MPRIP: variants seen among roughly 807,000 people sequenced by gnomAD.
MPRIP encodes the protein myosin phosphatase Rho interacting protein.
In MPRIP, 59 loss-of-function variants were observed where a neutral mutation model predicts 234.9. The observed-to-expected ratio is 0.25, with a 90% confidence interval of 0.20 to 0.31. The LOEUF is 0.31. Among genes scored for constraint, MPRIP ranks in the 10% least tolerant of loss-of-function variants. MPRIP has a pLI of 1.00. For missense variants in MPRIP, 2,436 were observed against 3,071.0 expected (o/e 0.79, Z 4.89); for synonymous variants, 1,144 against 1,263.9 (o/e 0.91, Z 2.01).
intron 1 of MPRIP, among the ~76,000 whole-genome samples, chr17:17,059,920 A>G (rs889020708): frequency 5.3e-5 from 8 of 152,148 alleles, no homozygotes; most frequent in African/African-American, 1.9e-4. Flanking sequence ...TCCTTCCCCA[A>G]GTACTCCCAA....
At chr17:17,069,955 T>C (rs11867723) in intron 1 of MPRIP, among the ~76,000 whole-genome samples, 6,803 of 152,258 alleles carry the variant, frequency 0.045, 474 homozygotes, top group African/African-American at 0.14. Flanking sequence ...AAAACTTCTC[T>C]TAGTTTTCCT....
intron 1 of MPRIP, among the ~76,000 whole-genome samples, chr17:17,071,277 T>C (rs985226891): frequency 2.6e-5 from 4 of 152,220 alleles, no homozygotes; most frequent in African/African-American, 9.7e-5. Context: ...GTTGGGCTGC[T>C]CCTTTCTGGT....
chr17:17,055,671 T>G (rs2088672030), intron 1 of MPRIP, among the ~76,000 whole-genome samples: 1 of 152,216 alleles, frequency 6.6e-6, no homozygotes, highest in Non-Finnish European at 1.5e-5. Context: ...GACAGCCCAC[T>G]ACTTCTCAAT....
At chr17:17,113,563 G>A (rs1450540779) in intron 3 of MPRIP, among the ~76,000 whole-genome samples, 2 of 152,340 alleles carry the variant, frequency 1.3e-5, no homozygotes, top group East Asian at 1.9e-4. Flanking sequence ...CACTGGAGCT[G>A]CTTCCATCTG....
chr17:17,058,980 A>G (rs1168173107), intron 1 of MPRIP, among the ~76,000 whole-genome samples: 1 of 152,094 alleles, frequency 6.6e-6, no homozygotes, highest in Non-Finnish European at 1.5e-5. Context: ...AGACCCCTTT[A>G]TGCTCTTGAT....
At chr17:17,118,687 C>T (rs1050786048) in intron 3 of MPRIP, among the ~76,000 whole-genome samples, 5 of 151,598 alleles carry the variant, frequency 3.3e-5, no homozygotes, top group South Asian at 2.1e-4. Flanking sequence ...AGTCCCTAGG[C>T]GTGGTTGGCC....
Position 17,177,407 on chromosome 17 carries a change from G to T in MPRIP, c.7115G>T (p.Gly2372Val). Residue 2372 changes from glycine (G) to valine (V), a missense_variant, in exon 22 of 24, where the codon GGA becomes GTA. This residue lies in a region of MPRIP where 1,998 missense variants were observed against 2,520.3 expected (regional missense o/e 0.79). Transcript: ENST00000651222. ...EKSPDSATVS[G>V]YDIMKSKSNP... is the part of the protein sequence containing the mutation. Reference sequence around the variant, plus strand: ...TCCCCTGACAGTGCCACGGTGTCCGGATATGGTGCGTCCTCGGGTCATGCC... The same window carrying T: ...TCCCCTGACAGTGCCACGGTGTCCGTATATGGTGCGTCCTCGGGTCATGCC... The T allele has an allele frequency of 6.2e-7, 1 of 1,613,290 alleles. No homozygotes were observed.
chr17:17,167,934 AT>A lies in MPRIP; in HGVS notation c.6324+22del. The A allele has an allele frequency of 7.7e-7, 1 of 1,292,912 alleles. No homozygotes were observed. Among genetic ancestry groups the A allele is most frequent in the Non-Finnish European group, 1.0e-6 (1 of 982,540 alleles). The allele number at this position is 1,292,912 out of a possible 1,614,324, so 80.1% of individuals were successfully genotyped here. ...CCTTAAGGTCTTAACGCCCCATTCA[AT>A]TTGCAGAGCAGATCTTCCTTGATAA... On this transcript the variant is annotated intron_variant, in intron 16 of 23. Transcript: ENST00000651222. The surrounding 1 kb of genome is among the most constrained non-coding windows in gnomAD (Gnocchi z 5.9).
chr17:17,101,659 G>A (rs2089964523), intron 3 of MPRIP, among the ~76,000 whole-genome samples: 1 of 152,260 alleles, frequency 6.6e-6, no homozygotes, highest in African/African-American at 2.4e-5. Flanking sequence ...AAACAGTAGT[G>A]TAGACAGCAG....
chr17:17,084,010 G>A (rs1657846034), intron 3 of MPRIP, among the ~76,000 whole-genome samples: 1 of 152,204 alleles, frequency 6.6e-6, no homozygotes, highest in South Asian at 2.1e-4. Flanking sequence ...CAGAGTCCAT[G>A]TGATTTCTAA....
At chr17:17,073,407 G>A (rs2089248653) in intron 1 of MPRIP, among the ~76,000 whole-genome samples, 1 of 152,188 alleles carries the variant, frequency 6.6e-6, no homozygotes, top group Non-Finnish European at 1.5e-5. Context: ...ACCAGGGCTC[G>A]GGTTCTGAGG....
At chr17:17,158,157 G>A (rs2045772539) in intron 13 of MPRIP, among the ~76,000 whole-genome samples, 1 of 152,188 alleles carries the variant, frequency 6.6e-6, no homozygotes, top group Non-Finnish European at 1.5e-5. Flanking sequence ...GTGTCATTAT[G>A]TGGGAAACCT....
At chr17:17,079,813 T>C (rs2089420954) in intron 3 of MPRIP, among the ~76,000 whole-genome samples, 1 of 152,238 alleles carries the variant, frequency 6.6e-6, no homozygotes, top group Non-Finnish European at 1.5e-5. Flanking sequence ...GAGGGTAGCT[T>C]CTGGGGACGC....
chr17:17,167,065 A>G lies in MPRIP; in HGVS notation c.5474A>G (p.Asn1825Ser), dbSNP rs777073020. Reference protein sequence around the residue: ...LLQVSQSLSYNTCLGGLGQYS... With the variant: ...LLQVSQSLSYSTCLGGLGQYS... Reference sequence around the variant, plus strand: ...CAGGTGTCCCAGAGTCTCTCGTATAACACTTGTTTGGGAGGCCTCGGTCAG... The same window carrying G: ...CAGGTGTCCCAGAGTCTCTCGTATAGCACTTGTTTGGGAGGCCTCGGTCAG... Residue 1825 changes from asparagine to serine, a missense_variant, in exon 16 of 24, where the codon AAC becomes AGC. Around this residue, in one of 4 missense-constraint regions of MPRIP, gnomAD observed 1,998 missense variants for 2,520.3 expected, o/e 0.79. Coordinates refer to ENST00000651222, the MANE Select transcript of MPRIP (RefSeq NM_001364716.4). This position sits in a 1 kb window ranked among gnomAD's most constrained non-coding sequence, Gnocchi z 5.9. The G allele has an allele frequency of 4.9e-5, 64 of 1,304,144 alleles. No individual in the cohort carries two copies. Among genetic ancestry groups the G allele is most frequent in the Non-Finnish European group, 6.4e-5 (63 of 988,952 alleles). 80.8% of individuals were successfully genotyped at this position (1,304,144 alleles called of 1,614,324 possible). A position where few individuals can be genotyped will look rare whatever the true frequency, so the allele number is the denominator to read the frequency against.
intron 3 of MPRIP, among the ~76,000 whole-genome samples, chr17:17,085,711 A>G (rs939638420): frequency 5.9e-5 from 9 of 152,340 alleles, no homozygotes; most frequent in Admixed American, 2.0e-4. Context: ...CAGGAGATCG[A>G]GACCATCTAG....
chr17:17,129,177 G>C (rs1400613895), intron 4 of MPRIP, among the ~76,000 whole-genome samples: 1 of 152,148 alleles, frequency 6.6e-6, no homozygotes, highest in Non-Finnish European at 1.5e-5. Flanking sequence ...ACTTTACATA[G>C]CTCTTTTAGA....
intron 3 of MPRIP, among the ~76,000 whole-genome samples, chr17:17,096,000 C>A (rs1312917981): frequency 6.6e-6 from 1 of 152,132 alleles, no homozygotes; most frequent in Non-Finnish European, 1.5e-5. Flanking sequence ...ATACCTCCCC[C>A]CCACACACAC....
At chr17:17,129,569 C>G (rs1305905416) in intron 4 of MPRIP, among the ~76,000 whole-genome samples, 1 of 152,162 alleles carries the variant, frequency 6.6e-6, no homozygotes, top group Non-Finnish European at 1.5e-5. Flanking sequence ...GGACTGAGGC[C>G]ACATGAGACA....
Position 17,189,560 on chromosome 17 carries a change from A to G in MPRIP, c.*4666A>G, listed in dbSNP as rs981614707. On this transcript the variant is annotated 3_prime_UTR_variant, in exon 24 of 24. Coordinates refer to ENST00000651222, the MANE Select transcript of MPRIP (RefSeq NM_001364716.4). ...GGGAGAAAGAAATTAAGTATTGTCA[A>G]AGTTCTATAAAGAATGGAAATGTAT... 8 of 152,218 alleles carry G rather than the reference A, an allele frequency of 5.3e-5. No individual in the cohort carries two copies. Among genetic ancestry groups the G allele is most frequent in the African/African-American group, 1.9e-4 (8 of 41,458 alleles). 9.4% of individuals were successfully genotyped at this position (152,218 alleles called of 1,614,324 possible).
Sources: gnomAD v4.1 joint callset for allele counts (sites outside exome capture counted in the v4.1 genomes callset) on GRCh38, gnomAD v4.1.1 for gene constraint, gnomAD v4.1.1 regional missense constraint, Gnocchi (gnomAD v3.1) non-coding constraint, MANE v1.5 for transcripts, NCBI Gene and HGNC (gene_info 2026-07-23, HGNC 2026-07-21) for gene names.